The following ERICH1 variants were observed in gnomAD, a reference collection of about 807,000 sequenced individuals.
ERICH1 encodes the protein glutamate rich 1, also known as glutamate-rich protein 1.
ERICH1 carries 56 observed loss-of-function variants against 39.6 expected under a neutral mutation model. That is an observed-to-expected ratio of 1.41 (90% CI 1.14 to 1.77). The LOEUF (loss-of-function observed/expected upper bound fraction) is 1.77. ERICH1 is among the 40% of genes most tolerant of loss of function. ERICH1 has a pLI of 0.00. For missense variants in ERICH1, 826 were observed against 575.4 expected (o/e 1.44, Z -4.45); for synonymous variants, 313 against 223.6 (o/e 1.40, Z -3.57).
At chr8:665,157 C>T (rs1401026790) in intron 5 of ERICH1, among the ~76,000 whole-genome samples, 3 of 152,098 alleles carry the variant, frequency 2.0e-5, no homozygotes, top group African/African-American at 7.2e-5. Flanking sequence ...CGGCCAAAGG[C>T]AGCCAAGACA....
At chr8:626,541 C>T (rs2117066609) in intron 3 of ERICH1, 1 of 155,192 alleles carries the variant, frequency 6.4e-6, no homozygotes, top group African/African-American at 2.4e-5. Context: ...GACAGAGCTC[C>T]CCGGGACAAA....
chr8:668,521 G>A (rs1350673348), intron 5 of ERICH1, 77 bp downstream of exon 5: 2 of 1,490,180 alleles, frequency 1.3e-6, no homozygotes, highest in South Asian at 1.1e-5. Flanking sequence ...CTGTTTTGGT[G>A]GCGTGTAAGT....
At chr8:711,026 G>C (rs1814615029) in intron 2 of ERICH1, among the ~76,000 whole-genome samples, 1 of 152,204 alleles carries the variant, frequency 6.6e-6, no homozygotes, top group African/African-American at 2.4e-5. Context: ...ATTTGGTGTT[G>C]TTAGTGTTCT....
intron 2 of ERICH1, among the ~76,000 whole-genome samples, chr8:703,212 A>C (rs1209781655): frequency 1.3e-5 from 2 of 152,200 alleles, no homozygotes; most frequent in Non-Finnish European, 2.9e-5. Flanking sequence ...CTATCTGTTA[A>C]TGGCACGTCA....
rs1801885468 is a variant in ERICH1 at position 664,441 on chromosome 8, G to A, written c.*162C>T. On this transcript the variant is annotated 3_prime_UTR_variant, in exon 6 of 6. Coordinates refer to ENST00000262109, the MANE Select transcript of ERICH1 (RefSeq NM_207332.3). ...TCCATTTTACCCCAATTTCTCATCT[G>A]AAGCCTCAGATGGCATCTTGCCCAC... 3.2e-6 allele frequency: 4 copies of A among 1,261,362 alleles called. No individual in the cohort carries two copies. Among genetic ancestry groups the A allele is most frequent in the Non-Finnish European group, 3.0e-6 (3 of 1,002,136 alleles). The allele number at this position is 1,261,362 out of a possible 1,614,324, so 78.1% of individuals were successfully genotyped here. A position where few individuals can be genotyped will look rare whatever the true frequency, so the allele number is the denominator to read the frequency against.
intron 3 of ERICH1, chr8:641,055 T>C (rs1431809706): frequency 1.3e-5 from 2 of 152,198 alleles, no homozygotes; most frequent in Non-Finnish European, 2.9e-5. Context: ...AGGAGAATAC[T>C]TGAGTCAGCC....
At chr8:694,019 G>A (rs1249769807) in intron 2 of ERICH1, among the ~76,000 whole-genome samples, 1 of 152,208 alleles carries the variant, frequency 6.6e-6, no homozygotes, top group Non-Finnish European at 1.5e-5. Context: ...TGGCAGTGAT[G>A]CTCTTGCACG....
intron 1 of ERICH1, among the ~76,000 whole-genome samples, chr8:717,104 T>TG (rs1816192311): frequency 6.6e-6 from 1 of 152,162 alleles, no homozygotes; most frequent in Admixed American, 6.5e-5. Flanking sequence ...ACAAGGTGGC[T>TG]GCTCACTCAG....
intron 4 of ERICH1, among the ~76,000 whole-genome samples, chr8:672,991 C>G (rs954923723): frequency 1.6e-4 from 24 of 152,230 alleles, no homozygotes; most frequent in African/African-American, 5.5e-4. Context: ...GCATGGAGGA[C>G]ACGGGGCCAG....
Position 673,828 on chromosome 8 carries a change from T to C in ERICH1, c.524A>G (p.Lys175Arg). The C allele has an allele frequency of 6.2e-7, 1 of 1,614,138 alleles. No homozygotes were observed. The highest frequency in any genetic ancestry group is 8.5e-7 in the Non-Finnish European group (1 of 1,180,034). The change falls in exon 4 of 6, where the codon AAA becomes AGA. Residue 175 changes from lysine (K) to arginine (R), a missense_variant. Lys to Arg is a conservative substitution (Grantham distance 26). Coordinates refer to ENST00000262109, the MANE Select transcript of ERICH1 (RefSeq NM_207332.3). ...LKKKQQIKRK[K>R]AAGLAAKAAG... ...AGCCTTTGCTGCCAAGCCGGCTGCT[T>C]TCTTCCTTTTAATTTGCTGTTTCTT...
chr8:725,590 C>A (rs1006542494), intron 1 of ERICH1, among the ~76,000 whole-genome samples: 1 of 152,236 alleles, frequency 6.6e-6, no homozygotes, highest in Admixed American at 6.5e-5. Context: ...TCTCTCCCAA[C>A]CTGCAAGCAG....
At chr8:727,586 G>A (rs545014501) in intron 1 of ERICH1, among the ~76,000 whole-genome samples, 3 of 152,348 alleles carry the variant, frequency 2.0e-5, no homozygotes, top group East Asian at 3.9e-4. Flanking sequence ...TGTGCGTGCA[G>A]CAGTCACAGC....
intron 3 of ERICH1, among the ~76,000 whole-genome samples, chr8:653,048 C>T (rs1431672264): frequency 6.6e-6 from 1 of 152,208 alleles, no homozygotes; most frequent in African/African-American, 2.4e-5. Flanking sequence ...AGAAATTCCT[C>T]AGAAAATGAA....
chr8:688,391 C>CGG (rs1808124933), intron 3 of ERICH1, among the ~76,000 whole-genome samples: 1 of 108,230 alleles, frequency 9.2e-6, no homozygotes, highest in African/African-American at 3.3e-5. Context: ...CCGCAGGCTC[C>CGG]AGAGGCGCCC....
intron 1 of ERICH1, 61 bp from the exon 2 acceptor site, chr8:716,068 A>C: frequency 6.5e-7 from 1 of 1,528,784 alleles, no homozygotes; most frequent in Non-Finnish European, 8.8e-7. Flanking sequence ...AGTTTATCTG[A>C]ATCACACGTG....
intron 3 of ERICH1, among the ~76,000 whole-genome samples, chr8:687,670 G>A (rs934474661): frequency 6.6e-6 from 1 of 152,162 alleles, no homozygotes; most frequent in South Asian, 2.1e-4. Flanking sequence ...GCCCAGGCGA[G>A]GCAGGACGCA....
chr8:634,155 A>G (rs1798231815), intron 3 of ERICH1, among the ~76,000 whole-genome samples: 1 of 146,288 alleles, frequency 6.8e-6, no homozygotes, highest in African/African-American at 2.6e-5. Flanking sequence ...ATCTATAGAG[A>G]ACTCCTAAAA....
intron 3 of ERICH1, among the ~76,000 whole-genome samples, chr8:631,331 G>T (rs556409270): frequency 2.0e-4 from 31 of 152,366 alleles, no homozygotes; most frequent in African/African-American, 7.5e-4. Context: ...TCCAGACCCA[G>T]TGAGGTGGTG....
intron 3 of ERICH1, among the ~76,000 whole-genome samples, chr8:679,197 AGT>A (rs1359818955): frequency 1.9e-5 from 1 of 52,508 alleles, no homozygotes; most frequent in Non-Finnish European, 3.8e-5. Flanking sequence ...TCAAAGCTCC[AGT>A]CCCTCTCAGC....
Sources: allele counts gnomAD v4.1 joint callset (sites outside exome capture counted in the v4.1 genomes callset), GRCh38; gene constraint gnomAD v4.1.1; transcripts MANE v1.5; gene names NCBI Gene and HGNC (gene_info 2026-07-23, HGNC 2026-07-21).